Variants in DNAJA3 observed in about 807,000 individuals in gnomAD.
DNAJA3 encodes DnaJ heat shock protein family (Hsp40) member A3.
A neutral mutation model predicts 54.9 loss-of-function variants in DNAJA3; 29 were observed. The observed-to-expected ratio is 0.53, with a 90% CI of 0.39 to 0.72. The LOEUF (loss-of-function observed/expected upper bound fraction) is 0.72. Ranked by LOEUF, DNAJA3 falls within the 30% of genes least tolerant of loss-of-function variation. The pLI, the probability that DNAJA3 is intolerant of heterozygous loss-of-function variation, is 0.00. For missense variants in DNAJA3, 708 were observed against 639.4 expected (o/e 1.11, Z -1.16); for synonymous variants, 302 against 251.4 (o/e 1.20, Z -1.90).
intron 2 of DNAJA3, among the ~76,000 whole-genome samples, chr16:4,435,231 T>A (rs2056759734): frequency 6.6e-6 from 1 of 152,034 alleles, no homozygotes; most frequent in Non-Finnish European, 1.5e-5. Flanking sequence ...GAAATTCCCA[T>A]TGTATCCCAG....
chr16:4,449,165 T>G (rs564897490), intron 9 of DNAJA3, among the ~76,000 whole-genome samples: 1 of 147,738 alleles, frequency 6.8e-6, no homozygotes, highest in East Asian at 2.1e-4. Context: ...CCCGGCTAAT[T>G]TTTTGTATTT....
intron 8 of DNAJA3, among the ~76,000 whole-genome samples, chr16:4,448,212 C>A (rs1005734539): frequency 6.6e-6 from 1 of 150,528 alleles, no homozygotes; most frequent in Non-Finnish European, 1.5e-5. Context: ...ATTTTAGTAG[C>A]GATGGGGTTT....
chr16:4,441,551 G>T lies in DNAJA3; in HGVS notation c.606G>T (p.Gln202His). The T allele has an allele frequency of 6.2e-7, 1 of 1,614,150 alleles. No homozygotes were observed. Among genetic ancestry groups the T allele is most frequent in the Non-Finnish European group, 8.5e-7 (1 of 1,180,042 alleles). The change falls in exon 4 of 12, where the codon CAG (glutamine) becomes CAT (histidine). Residue 202 changes from glutamine to histidine, a missense_variant. Physicochemically the swap from Gln to His is conservative, Grantham distance 24. Coordinates refer to ENST00000262375, the MANE Select transcript of DNAJA3 (RefSeq NM_005147.6). Reference protein sequence around the residue: ...EFSSSSFGDFQTVFDQPQEYF... With the variant: ...EFSSSSFGDFHTVFDQPQEYF... ...CATCCTCTTCATTTGGAGATTTCCA[G>T]ACCGTGTTTGATCAGCCTCAGGAAG...
chr16:4,444,794 C>T, intron 7 of DNAJA3, 66 bp downstream of exon 7: 2 of 1,426,376 alleles, frequency 1.4e-6, no homozygotes, highest in South Asian at 1.2e-5. Context: ...GTGGCTGAGG[C>T]TGCTCCCATG....
Position 4,434,464 on chromosome 16 carries a change from T to C in DNAJA3, c.292T>C (p.Leu98=), listed in dbSNP as rs1005356450. Reference sequence around the variant, plus strand: ...GGCCAAAGAAGATTATTATCAGATATTAGGAGTGCCTCGAAATGCCAGCCA... The same window carrying C: ...GGCCAAAGAAGATTATTATCAGATACTAGGAGTGCCTCGAAATGCCAGCCA... The part of the protein sequence containing the change: ...PLAKEDYYQI[L]GVPRNASQKE... The change falls in exon 2 of 12, where the codon TTA becomes CTA. Residue 98 remains leucine, a synonymous_variant. Coordinates refer to ENST00000262375, the MANE Select transcript of DNAJA3 (RefSeq NM_005147.6). 6 of 1,614,108 alleles carry C rather than the reference T, an allele frequency of 3.7e-6. No individual in the cohort carries two copies. Among genetic ancestry groups the C allele is most frequent in the East Asian group, 2.2e-5 (1 of 44,882 alleles).
chr16:4,442,562 C>G (rs1258428320), intron 5 of DNAJA3, 142 bp downstream of exon 5: 2 of 1,024,488 alleles, frequency 2.0e-6, no homozygotes, highest in East Asian at 5.8e-5. Flanking sequence ...CCCCGTGACC[C>G]TGAGGAGACG....
intron 5 of DNAJA3, 69 bp downstream of exon 5, chr16:4,442,489 C>G: frequency 2.0e-6 from 3 of 1,472,400 alleles, no homozygotes; most frequent in Non-Finnish European, 2.7e-6. Flanking sequence ...GGTTGTGGCA[C>G]TGCTCCCAGA....
chr16:4,432,086 A>C (rs1358396242), intron 1 of DNAJA3, among the ~76,000 whole-genome samples: 1 of 151,344 alleles, frequency 6.6e-6, no homozygotes, highest in Non-Finnish European at 1.5e-5. Flanking sequence ...TATGGATTCA[A>C]AGTCCTCTTT....
intron 1 of DNAJA3, among the ~76,000 whole-genome samples, chr16:4,429,196 T>C (rs894483688): frequency 4.6e-5 from 6 of 131,840 alleles, no homozygotes; most frequent in Non-Finnish European, 6.5e-5. Context: ...CAAGATTTTT[T>C]TTGTTTGTTT....
At chr16:4,429,491 G>A (rs2056666996) in intron 1 of DNAJA3, among the ~76,000 whole-genome samples, 1 of 151,854 alleles carries the variant, frequency 6.6e-6, no homozygotes, top group Admixed American at 6.6e-5. Context: ...AAAGTGCTGG[G>A]ATTACAGGTG....
In DNAJA3 at chr16:4,426,084, G is replaced by C; in HGVS notation, c.203G>C (p.Ser68Thr). Reference protein sequence around the residue: ...RALLTLRPGVSLTGTKHNPFI... With the variant: ...RALLTLRPGVTLTGTKHNPFI... ...CTGCTGACATTGAGACCTGGTGTCA[G>C]CCTTACAGGTGAGGGCAGGTTCCAA... Residue 68 changes from serine to threonine, a missense_variant, in exon 1 of 12, where the codon AGC becomes ACC. Transcript: ENST00000262375. The C allele has an allele frequency of 6.3e-7, 1 of 1,593,180 alleles. No homozygotes were observed. Among genetic ancestry groups the C allele is most frequent in the Non-Finnish European group, 8.5e-7 (1 of 1,169,636 alleles).
In DNAJA3 at chr16:4,449,063, C is replaced by G. The variant is rs528376492; in HGVS notation, c.1241+215C>G. On this transcript the variant is annotated intron_variant, in intron 9 of 11. Coordinates refer to ENST00000262375, the MANE Select transcript of DNAJA3 (RefSeq NM_005147.6). ...CCAGGCTGGAGTGCAGTGGCGCCAT[C>G]TCGGCTCACTGCAACCTCCGCTTCC... Among the ~76,000 whole-genome samples, 968 of 152,256 alleles carry G rather than the reference C, an allele frequency of 6.4e-3. 6 individuals are homozygous for G. Among genetic ancestry groups the G allele is most frequent in the Admixed American group, 7.5e-3 (115 of 15,294 alleles).
intron 3 of DNAJA3, chr16:4,437,716 G>A: frequency 4.6e-6 from 2 of 433,646 alleles, no homozygotes; most frequent in South Asian, 4.3e-5. Flanking sequence ...AGGATCACTT[G>A]ACCTCAGGAG....
At position 4,429,770 on chromosome 16, in the gene DNAJA3, G is replaced by A. The variant is rs193149364; in HGVS notation, c.211+3678G>A. 2.0e-5 allele frequency among the ~76,000 whole-genome samples: 3 copies of A among 152,044 alleles called. No individual in the cohort carries two copies. In the East Asian group the frequency reaches 5.8e-4, roughly 30 times the overall value. ...AATTGCTTGAACGTGAAAGTCGGAG[G>A]TTGCCGTGAGCCGAGTTAGCGCCAT... On this transcript the variant is annotated intron_variant, in intron 1 of 11. Coordinates refer to ENST00000262375, the MANE Select transcript of DNAJA3 (RefSeq NM_005147.6).
Position 4,434,305 on chromosome 16 carries a change from G to A in DNAJA3, c.212-79G>A, listed in dbSNP as rs547490628. ...GTTTGTTTGTTCCTTCACAGATATA[G>A]CCTGGTGGGTCATGTACTCACAGTT... On this transcript the variant is annotated intron_variant, in intron 1 of 11. Transcript: ENST00000262375. The A allele has an allele frequency of 6.3e-4, 947 of 1,498,402 alleles. 1 individual carries two copies. The highest frequency in any genetic ancestry group is 8.1e-4 in the Non-Finnish European group (893 of 1,098,164). 92.8% of individuals were successfully genotyped at this position (1,498,402 alleles called of 1,614,324 possible). A position where few individuals can be genotyped will look rare whatever the true frequency, so the allele number is the denominator to read the frequency against.
chr16:4,430,527 C>G (rs2056684089), intron 1 of DNAJA3: 1 of 151,510 alleles, frequency 6.6e-6, no homozygotes, highest in Non-Finnish European at 1.5e-5. Context: ...CGCGCCACTG[C>G]CCTCCAGCCT....
At chr16:4,443,810 C>T (rs776751602) in intron 6 of DNAJA3, among the ~76,000 whole-genome samples, 2 of 152,124 alleles carry the variant, frequency 1.3e-5, no homozygotes, top group African/African-American at 4.8e-5. Context: ...CCTCAGCCTC[C>T]CAAGGAGCTG....
intron 4 of DNAJA3, 127 bp from the exon 5 acceptor site, chr16:4,442,141 G>A: frequency 2.1e-6 from 2 of 960,352 alleles, no homozygotes; most frequent in South Asian, 2.2e-5. Context: ...TTGGCAGAGT[G>A]CAAGTAAGTA....
rs544444741 is a variant in DNAJA3 at position 4,452,639 on chromosome 16, C to T, written c.1339+2142C>T. On this transcript the variant is annotated intron_variant, in intron 10 of 11. Transcript: ENST00000262375. ...AAGATCTTGGTGAGGCCGGATGCAG[C>T]GGCTCACACCTATAATCCCAGCACT... Among the ~76,000 whole-genome samples, 5 of 152,192 alleles carry T rather than the reference C, an allele frequency of 3.3e-5. No homozygotes were observed. In the East Asian group the frequency reaches 5.8e-4, roughly 18 times the overall value.
Sources: allele counts gnomAD v4.1 joint callset (sites outside exome capture counted in the v4.1 genomes callset), GRCh38; gene constraint gnomAD v4.1.1; transcripts MANE v1.5; gene names NCBI Gene and HGNC (gene_info 2026-07-23, HGNC 2026-07-21).